Variants in TAOK1 observed in about 807,000 individuals in gnomAD.
The protein encoded by TAOK1 is serine/threonine-protein kinase TAO1.
TAOK1 carries 21 observed loss-of-function variants against 138.3 expected under a neutral mutation model. The ratio of observed to expected loss-of-function variants is 0.15; its 90% CI spans 0.11 to 0.22. The LOEUF is 0.22. Ranked by LOEUF, TAOK1 falls within the 10% of genes least tolerant of loss-of-function variation. TAOK1 has a pLI of 1.00. For synonymous variants in TAOK1, 361 were observed against 398.4 expected, an observed-to-expected ratio of 0.91 and a Z score of 1.12; for missense variants, 651 against 1,227.7, an observed-to-expected ratio of 0.53 and a Z score of 7.02.
intron 1 of TAOK1, among the ~76,000 whole-genome samples, chr17:29,443,110 C>T (rs568334903): frequency 3.6e-4 from 55 of 152,238 alleles, no homozygotes; most frequent in African/African-American, 1.3e-3. Flanking sequence ...GCACATTTTA[C>T]TAAATTGGCT....
intron 1 of TAOK1, among the ~76,000 whole-genome samples, chr17:29,430,428 C>T (rs1008910961): frequency 5.9e-5 from 9 of 152,166 alleles, no homozygotes; most frequent in Admixed American, 2.6e-4. Context: ...TGCAAACATC[C>T]GATTGGTTGC....
At chr17:29,443,024 C>T (rs1272494917) in intron 1 of TAOK1, among the ~76,000 whole-genome samples, 1 of 151,910 alleles carries the variant, frequency 6.6e-6, no homozygotes, top group Non-Finnish European at 1.5e-5. Context: ...GTGTGTCTAT[C>T]GAGGGAGGAT....
At chr17:29,481,612 G>A (rs2031063718) in intron 7 of TAOK1, among the ~76,000 whole-genome samples, 1 of 152,106 alleles carries the variant, frequency 6.6e-6, no homozygotes, top group South Asian at 2.1e-4. Context: ...TGCCTTGGGA[G>A]CCTCTTTCTT....
intron 17 of TAOK1, among the ~76,000 whole-genome samples, chr17:29,525,653 C>A (rs1172087059): frequency 3.3e-5 from 5 of 152,198 alleles, no homozygotes; most frequent in African/African-American, 1.2e-4. Context: ...CCTCAGCTTC[C>A]CAAACTGCTA....
intron 18 of TAOK1, among the ~76,000 whole-genome samples, chr17:29,532,852 G>A (rs1457631474): frequency 6.6e-6 from 1 of 151,892 alleles, no homozygotes; most frequent in African/African-American, 2.4e-5. Flanking sequence ...TTCTCAATGA[G>A]CTGTTGGGTA....
intron 1 of TAOK1, among the ~76,000 whole-genome samples, chr17:29,440,897 AGT>A (rs1486596435): frequency 1.3e-5 from 2 of 152,106 alleles, no homozygotes; most frequent in African/African-American, 4.8e-5. Context: ...TTATTATGAA[AGT>A]GTGTTGCATT....
At chr17:29,404,526 T>A (rs1028257241) in intron 1 of TAOK1, among the ~76,000 whole-genome samples, 1 of 152,184 alleles carries the variant, frequency 6.6e-6, no homozygotes, top group Non-Finnish European at 1.5e-5. Context: ...GCATGATATC[T>A]TCCGCCTGTA....
intron 2 of TAOK1, among the ~76,000 whole-genome samples, chr17:29,453,498 G>T (rs2030295215): frequency 6.6e-6 from 1 of 152,054 alleles, no homozygotes; most frequent in Admixed American, 6.6e-5. Flanking sequence ...TGATCCTCTT[G>T]CCTTAGCCTC....
chr17:29,441,656 C>G (rs1471434194), intron 1 of TAOK1, among the ~76,000 whole-genome samples: 1 of 152,152 alleles, frequency 6.6e-6, no homozygotes, highest in Non-Finnish European at 1.5e-5. Flanking sequence ...AATCCCAGCA[C>G]TTTGGGAGGC....
At chr17:29,397,682 T>TATTCATGTATGATACATGTAC in intron 1 of TAOK1, among the ~76,000 whole-genome samples, 1 of 146,886 alleles carries the variant, frequency 6.8e-6, no homozygotes, top group Non-Finnish European at 1.5e-5. Flanking sequence ...TATACATGTA[T>TATTCATGTATGATACATGTAC]ACATGTATAT....
At chr17:29,478,443 C>A in intron 6 of TAOK1, 96 bp downstream of exon 6, 4 of 806,032 alleles carry the variant, frequency 5.0e-6, no homozygotes, top group Non-Finnish European at 7.5e-6. Flanking sequence ...TTGGTTAAAG[C>A]CAAATAAAAT....
intron 1 of TAOK1, among the ~76,000 whole-genome samples, chr17:29,441,642 C>T (rs1360652722): frequency 6.6e-6 from 1 of 152,130 alleles, no homozygotes; most frequent in South Asian, 2.1e-4. Flanking sequence ...TGGCTCACAC[C>T]TGTAATCCCA....
intron 1 of TAOK1, among the ~76,000 whole-genome samples, chr17:29,430,490 T>G (rs34994138): frequency 0.16 from 24,373 of 152,040 alleles, 2,072 homozygotes; most frequent in Admixed American, 0.21. Context: ...GAGGCTAGGG[T>G]GAAGTTACAA....
chr17:29,518,114 C>T (rs2031850773), intron 16 of TAOK1, among the ~76,000 whole-genome samples: 2 of 152,212 alleles, frequency 1.3e-5, no homozygotes. Flanking sequence ...TCTCAGCCTC[C>T]CAAAGTGCTA....
At chr17:29,430,983 G>T (rs1214816956) in intron 1 of TAOK1, among the ~76,000 whole-genome samples, 1 of 152,160 alleles carries the variant, frequency 6.6e-6, no homozygotes, top group Non-Finnish European at 1.5e-5. Flanking sequence ...TTGATTAAAA[G>T]ACTTAATGGG....
At chr17:29,501,976 G>A (rs1402949422) in intron 12 of TAOK1, among the ~76,000 whole-genome samples, 1 of 152,114 alleles carries the variant, frequency 6.6e-6, no homozygotes, top group South Asian at 2.1e-4. Context: ...AGTTGACACT[G>A]CGGTGAGCCA....
intron 2 of TAOK1, among the ~76,000 whole-genome samples, chr17:29,457,032 C>T (rs2030396146): frequency 6.7e-6 from 1 of 148,494 alleles, no homozygotes; most frequent in Admixed American, 6.6e-5. Flanking sequence ...AGCATCTGGC[C>T]ATATAGTTCT....
intron 1 of TAOK1, among the ~76,000 whole-genome samples, chr17:29,431,529 TCAGA>T (rs1265392757): frequency 2.2e-5 from 2 of 89,294 alleles, no homozygotes; most frequent in East Asian, 6.1e-3. Flanking sequence ...TATAGGCAAC[TCAGA>T]AAGAAGATTG....
At chr17:29,488,490 T>C (rs2031223191) in intron 8 of TAOK1, among the ~76,000 whole-genome samples, 1 of 74,908 alleles carries the variant, frequency 1.3e-5, no homozygotes, top group South Asian at 4.0e-4. Flanking sequence ...GAGAATCGCT[T>C]GAACCCGGGA....
Sources: gnomAD v4.1 joint callset for allele counts (sites outside exome capture counted in the v4.1 genomes callset) on GRCh38, gnomAD v4.1.1 for gene constraint, MANE v1.5 for transcripts, NCBI Gene and HGNC (gene_info 2026-07-23, HGNC 2026-07-21) for gene names.